The following ADAMTS18 variants were observed in gnomAD, a reference collection of about 807,000 sequenced individuals.
The protein encoded by ADAMTS18 is A disintegrin and metalloproteinase with thrombospondin motifs 18.
Under a neutral mutation model 165.9 loss-of-function variants are expected in ADAMTS18, and 157 were observed. That is an observed-to-expected ratio of 0.95 (90% CI 0.83 to 1.08). ADAMTS18 has a LOEUF of 1.08. ADAMTS18 is among the 50% of genes least tolerant of loss of function. ADAMTS18 has a pLI of 0.00. For missense variants in ADAMTS18, 2,040 were observed against 1,534.0 expected, an observed-to-expected ratio of 1.33 and a Z score of -5.51; for synonymous variants, 782 against 578.2, an observed-to-expected ratio of 1.35 and a Z score of -5.06.
intron 3 of ADAMTS18, among the ~76,000 whole-genome samples, chr16:77,373,682 C>G (rs1427353765): frequency 6.6e-6 from 1 of 151,948 alleles, no homozygotes; most frequent in Admixed American, 6.6e-5. Context: ...ACTTATGTAA[C>G]CAAACACCAT....
chr16:77,330,113 C>G (rs1212366402), intron 12 of ADAMTS18, among the ~76,000 whole-genome samples: 1 of 152,148 alleles, frequency 6.6e-6, no homozygotes, highest in East Asian at 1.9e-4. Flanking sequence ...CCTGGTGATT[C>G]TGATAACCAG....
chr16:77,293,065 C>A lies in ADAMTS18; in HGVS notation c.3189+11G>T. The A allele has an allele frequency of 6.2e-7, 1 of 1,614,012 alleles. No individual in the cohort carries two copies. Among genetic ancestry groups the A allele is most frequent in the Non-Finnish European group, 8.5e-7 (1 of 1,179,972 alleles). ...CAATCTCCTGACCCAGCAGTGACTT[C>A]TAATCCATACCTCGCTCCACGAAGA... On this transcript the variant is annotated intron_variant, in intron 20 of 22. Transcript: ENST00000282849.
chr16:77,294,965 G>A lies in ADAMTS18; in HGVS notation c.2964C>T (p.Ser988=), dbSNP rs749044422. The change falls in exon 19 of 23, where the codon AGC becomes AGT. Residue 988 remains serine, a synonymous_variant. Coordinates refer to ENST00000282849, the MANE Select transcript of ADAMTS18 (RefSeq NM_199355.4). Reference sequence around the variant, plus strand: ...GGCTCCATTGTGGAGGGCAGGCATGGCTGTTGCAGGCTTGGACCTGAGTGG... The same window carrying A: ...GGCTCCATTGTGGAGGGCAGGCATGACTGTTGCAGGCTTGGACCTGAGTGG... ...STPTQVQACN[S]HACPPQWSLG... 3 of 1,614,150 alleles carry A rather than the reference G, an allele frequency of 1.9e-6. No homozygotes were observed. The highest frequency in any genetic ancestry group is 2.5e-6 in the Non-Finnish European group (3 of 1,180,030).
intron 3 of ADAMTS18, among the ~76,000 whole-genome samples, chr16:77,405,934 G>A (rs2057387971): frequency 6.6e-6 from 1 of 152,054 alleles, no homozygotes; most frequent in African/African-American, 2.4e-5. Flanking sequence ...ATGAGAAAGT[G>A]ACGATCTAAT....
At chr16:77,325,747 C>T in intron 13 of ADAMTS18, 119 bp downstream of exon 13, 1 of 1,037,694 alleles carries the variant, frequency 9.6e-7, no homozygotes, top group South Asian at 1.6e-5. Flanking sequence ...CAGGATGGGT[C>T]TGGGGAGTGA....
chr16:77,363,791 T>A lies in ADAMTS18; in HGVS notation c.1056+11A>T. 1 of 1,612,464 alleles carries A rather than the reference T, an allele frequency of 6.2e-7. No individual in the cohort carries two copies. The highest frequency in any genetic ancestry group is 8.5e-7 in the Non-Finnish European group (1 of 1,178,622). ...GACTGAATGAAGACATAAATGAAGT[T>A]TGCCACTTACAGGTTCTTGTTCCAG... On this transcript the variant is annotated intron_variant, in intron 6 of 22. Transcript: ENST00000282849.
At chr16:77,434,088 A>G (rs1009458800) in intron 2 of ADAMTS18, among the ~76,000 whole-genome samples, 7 of 152,156 alleles carry the variant, frequency 4.6e-5, no homozygotes, top group Non-Finnish European at 5.9e-5. Context: ...TAGGAGAGGG[A>G]GGAAATAAGT....
chr16:77,302,368 A>G (rs968700882), intron 16 of ADAMTS18, among the ~76,000 whole-genome samples: 1 of 152,134 alleles, frequency 6.6e-6, no homozygotes. Flanking sequence ...AAATGCAGAG[A>G]CCTTGTACCA....
At position 77,321,069 on chromosome 16, in the gene ADAMTS18, C is replaced by CTTT; in HGVS notation, c.2287+9_2287+10insAAA. On this transcript the variant is annotated intron_variant, in intron 15 of 22. Transcript: ENST00000282849. ...TCTCATTAACAATAACAAACAGCAGCATCTCTCACCATTTGCTTTATGCTG... is the reference window on the plus strand; with the variant it reads ...TCTCATTAACAATAACAAACAGCAGCTTTATCTCTCACCATTTGCTTTATGCTG... 1 of 1,614,142 alleles carries CTTT rather than the reference C, an allele frequency of 6.2e-7. No individual in the cohort carries two copies. Among genetic ancestry groups the CTTT allele is most frequent in the East Asian group, 2.2e-5 (1 of 44,872 alleles).
intron 22 of ADAMTS18, among the ~76,000 whole-genome samples, chr16:77,287,702 C>G (rs993007727): frequency 1.3e-5 from 2 of 152,086 alleles, no homozygotes; most frequent in Non-Finnish European, 2.9e-5. Context: ...AAACTCCGGA[C>G]CTCAGGTGAT....
At chr16:77,378,340 CAAAAAAAAACAAA>C (rs368745775) in intron 3 of ADAMTS18, among the ~76,000 whole-genome samples, 13,360 of 68,440 alleles carry the variant, frequency 0.2, 783 homozygotes, top group Non-Finnish European at 0.25. Context: ...AAAACAAAAA[CAAAAAAAAACAAA>C]AAAAAAAAAA....
intron 3 of ADAMTS18, among the ~76,000 whole-genome samples, chr16:77,381,378 T>C (rs547556247): frequency 7.9e-5 from 12 of 152,318 alleles, no homozygotes; most frequent in Admixed American, 5.2e-4. Context: ...GCTGGCATAA[T>C]GGCAGAAGGT....
At chr16:77,289,149 G>T in intron 22 of ADAMTS18, 115 bp downstream of exon 22, 1 of 1,362,086 alleles carries the variant, frequency 7.3e-7, no homozygotes, top group Non-Finnish European at 1.0e-6. Context: ...TAGACTTCGG[G>T]TGAATGGCTT....
At chr16:77,424,019 C>G (rs1377673889) in intron 3 of ADAMTS18, among the ~76,000 whole-genome samples, 2 of 152,154 alleles carry the variant, frequency 1.3e-5, no homozygotes, top group Non-Finnish European at 2.9e-5. Context: ...AAACACCAAG[C>G]TAAGCAATCA....
rs1381676252 is a variant in ADAMTS18 at position 77,282,190 on chromosome 16, A to ATATT, written c.*1762_*1765dup. The ATATT allele has an allele frequency of 2.6e-5, 4 of 152,134 alleles. No individual in the cohort carries two copies. The highest frequency in any genetic ancestry group is 9.7e-5 in the African/African-American group (4 of 41,446). 9.4% of individuals were successfully genotyped at this position (152,134 alleles called of 1,614,324 possible). A position where few individuals can be genotyped will look rare whatever the true frequency, so the allele number is the denominator to read the frequency against. ...TATAAAATAATTAAATATTACACAT[A>ATATT]TATTTTGACTTTTCTCTATAATCCA... On this transcript the variant is annotated 3_prime_UTR_variant, in exon 23 of 23. Coordinates refer to ENST00000282849, the MANE Select transcript of ADAMTS18 (RefSeq NM_199355.4).
intron 10 of ADAMTS18, among the ~76,000 whole-genome samples, chr16:77,348,969 T>G (rs539604415): frequency 3.1e-4 from 47 of 152,194 alleles, no homozygotes; most frequent in Admixed American, 8.5e-4. Flanking sequence ...AAGGAAATAT[T>G]TGGAAAACAC....
chr16:77,370,322 A>G lies in ADAMTS18; in HGVS notation c.496-2599T>C, dbSNP rs546507762. On this transcript the variant is annotated intron_variant, in intron 3 of 22. Transcript: ENST00000282849. ...CCCTGTTTTCAGATAACATGATCTT[A>G]TAAAGAGAAAACTCTAAAGAAACAA... Among the ~76,000 whole-genome samples the G allele has an allele frequency of 2.6e-5, 4 of 152,370 alleles. No individual in the cohort carries two copies. The East Asian group carries it at 7.7e-4, about 29-fold the overall frequency.
At chr16:77,321,763 G>A (rs116542488) in intron 14 of ADAMTS18, among the ~76,000 whole-genome samples, 1,529 of 152,244 alleles carry the variant, frequency 0.01, 28 homozygotes, top group African/African-American at 0.035. Context: ...GTGCAAAGCA[G>A]GATATAGCAT....
intron 3 of ADAMTS18, 123 bp downstream of exon 3, chr16:77,431,170 GTA>G: frequency 1.0e-6 from 1 of 983,868 alleles, no homozygotes; most frequent in Non-Finnish European, 1.6e-6. Context: ...AATATTAGAA[GTA>G]TCAAGGCTGA....
Sources: allele counts gnomAD v4.1 joint callset (sites outside exome capture counted in the v4.1 genomes callset), GRCh38; gene constraint gnomAD v4.1.1; transcripts MANE v1.5; gene names NCBI Gene and HGNC (gene_info 2026-07-23, HGNC 2026-07-21).